The following PRR16 variants were observed in gnomAD, a reference collection of about 807,000 sequenced individuals.
PRR16 encodes the protein protein Largen.
PRR16 carries 6 observed loss-of-function variants against 18.2 expected under a neutral mutation model. The ratio of observed to expected loss-of-function variants is 0.33; its 90% confidence interval spans 0.18 to 0.65. PRR16 has a LOEUF of 0.65. PRR16 is among the 30% of genes least tolerant of loss of function. The probability of loss-of-function intolerance (pLI) is 0.74; values close to 1 mark genes in which losing one functional copy is unlikely to be tolerated. For synonymous variants in PRR16, 151 were observed against 147.8 expected, an observed-to-expected ratio of 1.02 and a Z score of -0.16; for missense variants, 412 against 376.6, an observed-to-expected ratio of 1.09 and a Z score of -0.78.
intron 1 of PRR16, among the ~76,000 whole-genome samples, chr5:120,643,188 TA>T (rs200713457): frequency 8.5e-6 from 1 of 118,066 alleles, no homozygotes; most frequent in African/African-American, 3.0e-5. Flanking sequence ...ACAGGTTTTC[TA>T]AAAAAAAACA....
chr5:120,784,354 T>A, the PRR16 span, among the ~76,000 whole-genome samples: 1 of 152,314 alleles, frequency 6.6e-6, no homozygotes, highest in African/African-American at 2.4e-5. Context: ...TTTATCTACA[T>A]CTTTGCTAGC....
chr5:120,579,012 CT>C (rs1753173172), intron 1 of PRR16, among the ~76,000 whole-genome samples: 1 of 152,042 alleles, frequency 6.6e-6, no homozygotes, highest in Non-Finnish European at 1.5e-5. Flanking sequence ...TGATGTTGAG[CT>C]TTTTTTCATA....
intron 1 of PRR16, among the ~76,000 whole-genome samples, chr5:120,490,124 T>G (rs1396063844): frequency 6.6e-6 from 1 of 152,130 alleles, no homozygotes; most frequent in Non-Finnish European, 1.5e-5. Context: ...CTGACAATTA[T>G]GTGTCTTGGA....
At chr5:120,754,851 G>C in the PRR16 span, among the ~76,000 whole-genome samples, 2 of 150,690 alleles carry the variant, frequency 1.3e-5, no homozygotes. Flanking sequence ...TCAAAACCTC[G>C]TAGTTCAATA....
At chr5:120,522,303 T>A (rs1751209265) in intron 1 of PRR16, among the ~76,000 whole-genome samples, 1 of 152,184 alleles carries the variant, frequency 6.6e-6, no homozygotes. Context: ...GTAAAAGTGT[T>A]CCTATTTCTC....
chr5:120,535,076 CGT>C (rs34220996), intron 1 of PRR16, among the ~76,000 whole-genome samples: 1,820 of 146,364 alleles, frequency 0.012, 30 homozygotes, highest in African/African-American at 0.036. Context: ...TCACTTTACA[CGT>C]GTGTGTGTGT....
At chr5:120,578,435 C>A (rs116026257) in intron 1 of PRR16, among the ~76,000 whole-genome samples, 1 of 151,912 alleles carries the variant, frequency 6.6e-6, no homozygotes, top group African/African-American at 2.4e-5. Context: ...TTGTGTTGTT[C>A]CCCTCTCTGT....
chr5:120,605,588 A>G (rs186021313), intron 1 of PRR16, among the ~76,000 whole-genome samples: 13 of 152,122 alleles, frequency 8.5e-5, no homozygotes, highest in Admixed American at 7.8e-4. Context: ...GTTAGAAGAT[A>G]CTCTGGATTT....
chr5:120,713,726 G>A, the PRR16 span, among the ~76,000 whole-genome samples: 8 of 151,988 alleles, frequency 5.3e-5, no homozygotes, highest in Admixed American at 4.6e-4. Context: ...TTGTTTCATA[G>A]TACATCTTTT....
chr5:120,712,194 AT>A, the PRR16 span, among the ~76,000 whole-genome samples: 1 of 152,138 alleles, frequency 6.6e-6, no homozygotes, highest in Non-Finnish European at 1.5e-5. Context: ...ATCACCTTCT[AT>A]AGTTACCTCC....
At position 120,587,927 on chromosome 5, in the gene PRR16, C is replaced by A. The variant is rs540821057; in HGVS notation, c.160-98027C>A. ...TGGAAAAGATTCACCATTATAGATG[C>A]CATTAAGAACGTTTGTGATTCATGG... On this transcript the variant is annotated intron_variant, in intron 1 of 1. Transcript: ENST00000407149. Among the ~76,000 whole-genome samples, 5 of 152,236 alleles carry A rather than the reference C, an allele frequency of 3.3e-5. No homozygotes were observed. In the East Asian group the frequency reaches 9.7e-4, roughly 29 times the overall value.
At chr5:120,786,089 T>G in the PRR16 span, among the ~76,000 whole-genome samples, 530 of 71,730 alleles carry the variant, frequency 7.4e-3, 3 homozygotes, top group African/African-American at 0.017. Flanking sequence ...AAAGCTTTTG[T>G]TTTTTTTTTT....
chr5:120,747,358 G>A, the PRR16 span, among the ~76,000 whole-genome samples: 1 of 152,106 alleles, frequency 6.6e-6, no homozygotes, highest in Non-Finnish European at 1.5e-5. Context: ...TGTAAATTAA[G>A]CACACCAACT....
chr5:120,787,627 C>G, the PRR16 span, among the ~76,000 whole-genome samples: 7 of 151,992 alleles, frequency 4.6e-5, no homozygotes, highest in Non-Finnish European at 1.0e-4. Context: ...TTGAATAAAA[C>G]GATCTCTTAA....
downstream of PRR16, among the ~76,000 whole-genome samples, chr5:120,689,051 G>A (rs941181858): frequency 8.5e-5 from 13 of 152,112 alleles, no homozygotes; most frequent in Admixed American, 7.9e-4. Flanking sequence ...AGAAATGTGA[G>A]TTAAATACCA....
At chr5:120,777,401 TAAAAC>T in the PRR16 span, among the ~76,000 whole-genome samples, 141 of 152,232 alleles carry the variant, frequency 9.3e-4, 1 homozygote, top group African/African-American at 2.4e-3. Context: ...ATTTTGTACT[TAAAAC>T]ATAATTATTT....
At chr5:120,785,888 CT>C in the PRR16 span, among the ~76,000 whole-genome samples, 1 of 151,028 alleles carries the variant, frequency 6.6e-6, no homozygotes, top group African/African-American at 2.4e-5. Context: ...CTTAAATGCT[CT>C]TTTTTCCTGA....
At chr5:120,539,784 G>A (rs1010809982) in intron 1 of PRR16, among the ~76,000 whole-genome samples, 2 of 152,114 alleles carry the variant, frequency 1.3e-5, no homozygotes, top group African/African-American at 2.4e-5. Flanking sequence ...TAAATTATCA[G>A]TTGTGTATAA....
intron 1 of PRR16, among the ~76,000 whole-genome samples, chr5:120,548,074 A>G (rs552009872): frequency 6.6e-6 from 1 of 152,198 alleles, no homozygotes; most frequent in East Asian, 1.9e-4. Flanking sequence ...GATACTGAGG[A>G]CAGTAGAAAG....
Sources: gnomAD v4.1 joint callset for allele counts (sites outside exome capture counted in the v4.1 genomes callset) on GRCh38, gnomAD v4.1.1 for gene constraint, MANE v1.5 for transcripts, NCBI Gene and HGNC (gene_info 2026-07-23, HGNC 2026-07-21) for gene names.